Variants in ATP2A2 observed in about 807,000 individuals in gnomAD.
ATP2A2 encodes the protein sarcoplasmic/endoplasmic reticulum calcium ATPase 2.
In ATP2A2, 14 loss-of-function variants were observed where a neutral mutation model predicts 109.3. That is an observed-to-expected ratio of 0.13 (90% CI 0.08 to 0.20). ATP2A2 has a LOEUF of 0.20. ATP2A2 is among the 10% of genes least tolerant of loss of function. The probability of loss-of-function intolerance (pLI) is 1.00; values close to 1 mark genes in which losing one functional copy is unlikely to be tolerated. For missense variants in ATP2A2, 657 were observed against 1,321.6 expected (o/e 0.50, Z 7.80); for synonymous variants, 506 against 490.9 (o/e 1.03, Z -0.41).
At chr12:110,310,661 A>C (rs1875933024) in intron 5 of ATP2A2, among the ~76,000 whole-genome samples, 1 of 152,200 alleles carries the variant, frequency 6.6e-6, no homozygotes, top group African/African-American at 2.4e-5. Context: ...CACAATCTTA[A>C]AATTGCATTT....
At chr12:110,293,420 C>CT (rs1437882308) in intron 4 of ATP2A2, among the ~76,000 whole-genome samples, 3 of 129,982 alleles carry the variant, frequency 2.3e-5, no homozygotes, top group Non-Finnish European at 4.7e-5. Context: ...TTTTGACCGA[C>CT]TTTCACTCTT....
At chr12:110,286,434 C>G (rs1035198325) in intron 3 of ATP2A2, among the ~76,000 whole-genome samples, 1 of 152,134 alleles carries the variant, frequency 6.6e-6, no homozygotes, top group South Asian at 2.1e-4. Flanking sequence ...ATTGGTTTAA[C>G]TAGTTTATTC....
chr12:110,305,573 T>A (rs1875196230), intron 5 of ATP2A2, among the ~76,000 whole-genome samples: 1 of 152,238 alleles, frequency 6.6e-6, no homozygotes, highest in Non-Finnish European at 1.5e-5. Flanking sequence ...AAGAATGTAT[T>A]TCTAGACTCT....
Position 110,348,252 on chromosome 12 carries a change from C to T in ATP2A2, c.*1782C>T. On this transcript the variant is annotated 3_prime_UTR_variant, in exon 20 of 20. Transcript: ENST00000539276. The stretch of plus-strand genomic sequence containing the variant: ...CGATAGGTTCGTCTTAAATAGGCCA[C>T]TTCCCCACTCCCCCACCCCCCCTTG... The T allele has an allele frequency of 1.0e-6, 1 of 985,422 alleles. No individual in the cohort carries two copies. The highest frequency in any genetic ancestry group is 1.2e-6 in the Non-Finnish European group (1 of 829,948). The allele number at this position is 985,422 out of a possible 1,614,324, so 61.0% of individuals were successfully genotyped here.
chr12:110,346,366 G>A lies in ATP2A2; in HGVS notation c.3025G>A (p.Ala1009Thr). The change falls in exon 20 of 20, where the codon GCA becomes ACA. Residue 1009 changes from alanine to threonine, a missense_variant. Ala to Thr is a moderately conservative substitution (Grantham distance 58). Transcript: ENST00000539276. ...QPATKSCSFS[A>T]CTDGISWPFV... is the part of the protein sequence containing the mutation. ...TGCCACCAAATCCTGCTCGTTCTCG[G>A]CATGCACCGATGGGATTTCCTGGCC... The A allele has an allele frequency of 6.2e-7, 1 of 1,614,096 alleles. No homozygotes were observed. Among genetic ancestry groups the A allele is most frequent in the Non-Finnish European group, 8.5e-7 (1 of 1,179,990 alleles).
At chr12:110,305,499 T>C (rs566479645) in intron 5 of ATP2A2, among the ~76,000 whole-genome samples, 1 of 152,330 alleles carries the variant, frequency 6.6e-6, no homozygotes, top group South Asian at 2.1e-4. Context: ...TCAGCACCAT[T>C]TGTTGAAAAG....
intron 5 of ATP2A2, among the ~76,000 whole-genome samples, chr12:110,314,189 A>C (rs1013921793): frequency 1.3e-5 from 2 of 152,160 alleles, no homozygotes; most frequent in East Asian, 3.9e-4. Flanking sequence ...TTAGCTGGGC[A>C]TGGTAGCGCT....
At chr12:110,323,266 C>T (rs1157442816) in intron 6 of ATP2A2, among the ~76,000 whole-genome samples, 194 bp downstream of exon 6, 5 of 152,166 alleles carry the variant, frequency 3.3e-5, no homozygotes, top group Non-Finnish European at 7.3e-5. Flanking sequence ...CTCACTGCAG[C>T]CTCCGCCTCT....
chr12:110,324,242 A>G (rs992207538), intron 6 of ATP2A2, among the ~76,000 whole-genome samples: 3 of 152,174 alleles, frequency 2.0e-5, no homozygotes, highest in Non-Finnish European at 2.9e-5. Flanking sequence ...GGAGACAGTT[A>G]TATGAGTAAC....
chr12:110,323,238 G>A (rs940734570), intron 6 of ATP2A2, among the ~76,000 whole-genome samples, 166 bp downstream of exon 6: 1 of 152,180 alleles, frequency 6.6e-6, no homozygotes, highest in Non-Finnish European at 1.5e-5. Flanking sequence ...AGGCTGGAGT[G>A]CAGTGGCGTG....
chr12:110,349,208 G>A lies in ATP2A2; in HGVS notation c.*2738G>A. On this transcript the variant is annotated 3_prime_UTR_variant, in exon 20 of 20. Coordinates refer to ENST00000539276, the MANE Select transcript of ATP2A2 (RefSeq NM_170665.4). ...AAAACACTTCAGCATCTCCTCCTCAGGTCAACCCATAAAGACCAGGTCCAG... is the reference window on the plus strand; with the variant it reads ...AAAACACTTCAGCATCTCCTCCTCAAGTCAACCCATAAAGACCAGGTCCAG... The A allele has an allele frequency of 1.0e-6, 1 of 985,558 alleles. No individual in the cohort carries two copies. The highest frequency in any genetic ancestry group is 1.2e-6 in the Non-Finnish European group (1 of 830,020). 61.1% of individuals were successfully genotyped at this position (985,558 alleles called of 1,614,324 possible).
chr12:110,311,873 A>C (rs770361962), intron 5 of ATP2A2, among the ~76,000 whole-genome samples: 3 of 152,062 alleles, frequency 2.0e-5, no homozygotes, highest in Non-Finnish European at 4.4e-5. Context: ...CCTTGTCTTT[A>C]CAAAAAAAGT....
In ATP2A2 at chr12:110,348,987, A is replaced by AGTT; in HGVS notation, c.*2519_*2521dup. 1 of 985,460 alleles carries AGTT rather than the reference A, an allele frequency of 1.0e-6. No homozygotes were observed. Among genetic ancestry groups the AGTT allele is most frequent in the Non-Finnish European group, 1.2e-6 (1 of 829,964 alleles). 61.0% of individuals were successfully genotyped at this position (985,460 alleles called of 1,614,324 possible). On this transcript the variant is annotated 3_prime_UTR_variant, in exon 20 of 20. Coordinates refer to ENST00000539276, the MANE Select transcript of ATP2A2 (RefSeq NM_170665.4). ...TTGACTTAGTGGCCTTTACAAAAAA[A>AGTT]GTTGAGTAGTGTGTGGCCTGCTGTC...
At chr12:110,316,348 C>G (rs562553343) in intron 5 of ATP2A2, among the ~76,000 whole-genome samples, 1 of 152,332 alleles carries the variant, frequency 6.6e-6, no homozygotes, top group East Asian at 1.9e-4. Flanking sequence ...TAGACTTTTA[C>G]TGGCATAGAT....
chr12:110,305,564 A>G (rs1244210602), intron 5 of ATP2A2, among the ~76,000 whole-genome samples: 1 of 152,238 alleles, frequency 6.6e-6, no homozygotes, highest in African/African-American at 2.4e-5. Flanking sequence ...TACAAATGCA[A>G]GAATGTATTT....
chr12:110,321,907 G>A (rs1877283859), intron 5 of ATP2A2, among the ~76,000 whole-genome samples: 1 of 152,220 alleles, frequency 6.6e-6, no homozygotes, highest in African/African-American at 2.4e-5. Context: ...AGCTATTAAA[G>A]TAACTTGTTG....
At chr12:110,334,200 C>G in intron 11 of ATP2A2, 57 bp downstream of exon 11, 1 of 1,598,004 alleles carries the variant, frequency 6.3e-7, no homozygotes. Flanking sequence ...ACTATATATA[C>G]TTAGTGTCTG....
Position 110,333,203 on chromosome 12 carries a change from A to T in ATP2A2, c.1207A>T (p.Asn403Tyr), listed in dbSNP as rs1274074148. 1 of 1,613,982 alleles carries T rather than the reference A, an allele frequency of 6.2e-7. No homozygotes were observed. The highest frequency in any genetic ancestry group is 1.3e-5 in the African/African-American group (1 of 75,034). The change falls in exon 10 of 20, where the codon AAT (asparagine) becomes TAT (tyrosine). Residue 403 changes from asparagine (N) to tyrosine (Y), a missense_variant. Physicochemically the swap from Asn to Tyr is moderately radical, Grantham distance 143 (BLOSUM62 -2). This residue lies in a region of ATP2A2 where 46 missense variants were observed against 62.0 expected (regional missense o/e 0.74). Coordinates refer to ENST00000539276, the MANE Select transcript of ATP2A2 (RefSeq NM_170665.4). Reference sequence around the variant, plus strand: ...CAGGCATAAAGATGATAAACCAGTGAATTGTCACCAGTATGATGGTCTGGT... The same window carrying T: ...CAGGCATAAAGATGATAAACCAGTGTATTGTCACCAGTATGATGGTCTGGT... ...GEVHKDDKPVNCHQYDGLVEL... is the reference protein window; with the variant it reads ...GEVHKDDKPVYCHQYDGLVEL...
At chr12:110,344,404 C>T (rs1440019069) in intron 16 of ATP2A2, among the ~76,000 whole-genome samples, 1 of 152,184 alleles carries the variant, frequency 6.6e-6, no homozygotes, top group African/African-American at 2.4e-5. Context: ...CAGTGTTCCA[C>T]CCTAGCTCCT....
Sources: allele counts gnomAD v4.1 joint callset (sites outside exome capture counted in the v4.1 genomes callset), GRCh38; gene constraint gnomAD v4.1.1; regional missense constraint gnomAD v4.1.1; transcripts MANE v1.5; gene names NCBI Gene and HGNC (gene_info 2026-07-23, HGNC 2026-07-21).